TRPC6: variants seen among roughly 807,000 people sequenced by gnomAD.
TRPC6 encodes short transient receptor potential channel 6.
In TRPC6, 55 loss-of-function variants were observed where a neutral mutation model predicts 90.7. The observed-to-expected ratio is 0.61, with a 90% CI of 0.49 to 0.76. The LOEUF is 0.76. Ranked by LOEUF, TRPC6 falls within the 30% of genes least tolerant of loss-of-function variation. The probability of loss-of-function intolerance (pLI) is 0.00; values close to 1 mark genes in which losing one functional copy is unlikely to be tolerated. For synonymous variants in TRPC6, 393 were observed against 393.0 expected (o/e 1.00, Z 0.00); for missense variants, 989 against 1,122.7 (o/e 0.88, Z 1.70).
At chr11:101,479,905 A>T (rs1487217156) in intron 5 of TRPC6, among the ~76,000 whole-genome samples, 1 of 152,204 alleles carries the variant, frequency 6.6e-6, no homozygotes, top group Admixed American at 6.5e-5. Flanking sequence ...ACGGCTGGGC[A>T]CGGTGGCTCA....
At chr11:101,516,457 C>T (rs1860525459) in intron 1 of TRPC6, among the ~76,000 whole-genome samples, 2 of 152,152 alleles carry the variant, frequency 1.3e-5, no homozygotes, top group African/African-American at 2.4e-5. Flanking sequence ...TTACTATCTT[C>T]CCCTGAACCC....
chr11:101,494,848 G>C (rs1387474783), intron 2 of TRPC6, among the ~76,000 whole-genome samples: 1 of 152,158 alleles, frequency 6.6e-6, no homozygotes, highest in Non-Finnish European at 1.5e-5. Flanking sequence ...GAGAGAGAAA[G>C]AAAGAATAAG....
intron 2 of TRPC6, among the ~76,000 whole-genome samples, chr11:101,498,875 A>C (rs1271311239): frequency 6.6e-6 from 1 of 151,798 alleles, no homozygotes; most frequent in East Asian, 1.9e-4. Context: ...TAAACAACAG[A>C]GAGTCCCCCT....
chr11:101,565,219 A>G (rs924344180), intron 1 of TRPC6, among the ~76,000 whole-genome samples: 1 of 152,124 alleles, frequency 6.6e-6, no homozygotes, highest in African/African-American at 2.4e-5. Flanking sequence ...ACTTCTTCAA[A>G]CTAAAAGCTT....
chr11:101,484,424 T>C (rs1177741303), intron 4 of TRPC6, among the ~76,000 whole-genome samples: 1 of 152,168 alleles, frequency 6.6e-6, no homozygotes, highest in Non-Finnish European at 1.5e-5. Flanking sequence ...AATGCTATCA[T>C]GGAAGGAACA....
At chr11:101,455,362 A>G in intron 10 of TRPC6, 1 of 395,608 alleles carries the variant, frequency 2.5e-6, no homozygotes, top group Non-Finnish European at 4.7e-6. Context: ...TTGTCATGAG[A>G]ATCACGCGTT....
chr11:101,506,500 T>C (rs1334605925), intron 1 of TRPC6, among the ~76,000 whole-genome samples: 1 of 152,152 alleles, frequency 6.6e-6, no homozygotes, highest in Non-Finnish European at 1.5e-5. Context: ...TTGGAGGAGC[T>C]TGAAGAGTAT....
chr11:101,578,477 C>T (rs528496614), intron 1 of TRPC6, among the ~76,000 whole-genome samples: 11 of 152,294 alleles, frequency 7.2e-5, no homozygotes, highest in Admixed American at 5.9e-4. Flanking sequence ...TGGTCTCTAA[C>T]ATTACATTAC....
chr11:101,456,782 A>T (rs1565442742), intron 10 of TRPC6, among the ~76,000 whole-genome samples: 1 of 152,206 alleles, frequency 6.6e-6, no homozygotes. Context: ...ATAAAACTAA[A>T]TATAAACTCA....
chr11:101,486,916 A>G (rs1859690708), intron 4 of TRPC6, among the ~76,000 whole-genome samples: 2 of 152,188 alleles, frequency 1.3e-5, no homozygotes, highest in South Asian at 4.1e-4. Flanking sequence ...AAAGATAAAA[A>G]CAGTAAAATA....
chr11:101,474,009 T>C (rs950625119), intron 6 of TRPC6, among the ~76,000 whole-genome samples: 1 of 152,134 alleles, frequency 6.6e-6, no homozygotes, highest in Non-Finnish European at 1.5e-5. Flanking sequence ...TAGTTAAGAG[T>C]TCAGACTATA....
At chr11:101,565,778 T>C (rs556744275) in intron 1 of TRPC6, among the ~76,000 whole-genome samples, 7 of 152,108 alleles carry the variant, frequency 4.6e-5, no homozygotes, top group Non-Finnish European at 8.8e-5. Context: ...GTACCCTAAA[T>C]AGCATAATTT....
chr11:101,516,009 G>A (rs745744228), intron 1 of TRPC6, among the ~76,000 whole-genome samples: 4 of 151,196 alleles, frequency 2.6e-5, no homozygotes, highest in Non-Finnish European at 5.9e-5. Context: ...TTCACTACAT[G>A]AGGAAATGTT....
intron 1 of TRPC6, among the ~76,000 whole-genome samples, chr11:101,549,354 C>A (rs1344376593): frequency 1.3e-5 from 2 of 151,070 alleles, no homozygotes; most frequent in Non-Finnish European, 3.0e-5. Flanking sequence ...TTTATATCCA[C>A]ACCTCATATT....
chr11:101,543,763 A>C (rs7125565), intron 1 of TRPC6, among the ~76,000 whole-genome samples: 54,757 of 151,952 alleles, frequency 0.36, 10,221 homozygotes, highest in East Asian at 0.44. Flanking sequence ...AAATGTAAGA[A>C]CTAAAACCAT....
intron 1 of TRPC6, among the ~76,000 whole-genome samples, chr11:101,581,312 T>G (rs73580383): frequency 0.028 from 4,335 of 152,272 alleles, 118 homozygotes; most frequent in African/African-American, 0.068. Context: ...CTAAAAAATG[T>G]AATAACAATA....
intron 1 of TRPC6, among the ~76,000 whole-genome samples, chr11:101,530,412 G>A (rs1352895790): frequency 6.6e-6 from 1 of 152,024 alleles, no homozygotes. Flanking sequence ...CAGGAACCTG[G>A]CAGGAGATAC....
At chr11:101,485,279 T>G (rs561662807) in intron 4 of TRPC6, among the ~76,000 whole-genome samples, 812 of 64,088 alleles carry the variant, frequency 0.013, 3 homozygotes, top group African/African-American at 0.085. Flanking sequence ...AGTATTTTTG[T>G]TTTTTTTTTT....
At chr11:101,556,428 C>T (rs1453257213) in intron 1 of TRPC6, among the ~76,000 whole-genome samples, 2 of 151,958 alleles carry the variant, frequency 1.3e-5, no homozygotes, top group East Asian at 3.9e-4. Context: ...TTACTAGAAA[C>T]AATTATATGC....
Sources: allele counts gnomAD v4.1 joint callset (sites outside exome capture counted in the v4.1 genomes callset), GRCh38; gene constraint gnomAD v4.1.1; transcripts MANE v1.5; gene names NCBI Gene and HGNC (gene_info 2026-07-23, HGNC 2026-07-21).